The following NR1I2 variants were observed in gnomAD, a reference collection of about 807,000 sequenced individuals.
NR1I2 encodes orphan nuclear receptor PAR1.
NR1I2 carries 42 observed loss-of-function variants against 43.3 expected under a neutral mutation model. That is an observed-to-expected ratio of 0.97 (90% CI 0.76 to 1.26). NR1I2 has a LOEUF of 1.26. Among genes scored for constraint, NR1I2 ranks in the 50% most tolerant of loss-of-function variants. The pLI is 0.00. For synonymous variants in NR1I2, 229 were observed against 215.0 expected (o/e 1.06, Z -0.57); for missense variants, 559 against 566.7 (o/e 0.99, Z 0.14).
intron 3 of NR1I2, 37 bp downstream of exon 3, chr3:119,810,231 T>C: frequency 6.4e-7 from 1 of 1,560,512 alleles, no homozygotes; most frequent in Non-Finnish European, 8.7e-7. Context: ...GGCGCCGGGG[T>C]GCACGGCTCT....
intron 4 of NR1I2, among the ~76,000 whole-genome samples, chr3:119,812,456 T>C (rs1577285191): frequency 1.3e-5 from 2 of 152,222 alleles, no homozygotes. Flanking sequence ...CATTAATTCA[T>C]AGATCCCCAA....
chr3:119,791,925 A>G (rs2054924316), intron 1 of NR1I2: 3 of 656,176 alleles, frequency 4.6e-6, no homozygotes, highest in East Asian at 3.2e-5. Flanking sequence ...TGGGCACAGA[A>G]CTGTCATCTT....
At chr3:119,793,600 C>T (rs939012839) in intron 1 of NR1I2, among the ~76,000 whole-genome samples, 1 of 152,212 alleles carries the variant, frequency 6.6e-6, no homozygotes, top group Non-Finnish European at 1.5e-5. Context: ...CCTTTTTCCA[C>T]ATTACGTCTC....
At chr3:119,800,839 G>A (rs1462248783) in intron 1 of NR1I2, among the ~76,000 whole-genome samples, 1 of 152,230 alleles carries the variant, frequency 6.6e-6, no homozygotes, top group Non-Finnish European at 1.5e-5. Context: ...TGGCATGGAG[G>A]GACCCTGTCT....
At chr3:119,805,741 A>G (rs1252688024) in intron 1 of NR1I2, among the ~76,000 whole-genome samples, 2 of 145,808 alleles carry the variant, frequency 1.4e-5, no homozygotes, top group East Asian at 2.2e-4. Context: ...AAGAAAAGAA[A>G]AAAAAGGAGG....
rs903414714 is a variant in NR1I2 at position 119,818,365 on chromosome 3, C to T, written c.*1153C>T. ...CCACTTGTGAGTAAAAATTTTTTTG[C>T]ATTTTCACAAATTATACTTTATATA... On this transcript the variant is annotated 3_prime_UTR_variant, in exon 9 of 9. Transcript: ENST00000393716. The T allele has an allele frequency of 2.0e-6, 2 of 985,176 alleles. No individual in the cohort carries two copies. The highest frequency in any genetic ancestry group is 3.5e-5 in the African/African-American group (2 of 57,212). 61.0% of individuals were successfully genotyped at this position (985,176 alleles called of 1,614,324 possible).
intron 1 of NR1I2, chr3:119,803,003 G>A: frequency 2.2e-6 from 1 of 456,188 alleles, no homozygotes; most frequent in South Asian, 1.6e-5. Flanking sequence ...GGTCATGAGG[G>A]TAGAACCCTC....
At chr3:119,793,257 C>CA (rs1167468203) in intron 1 of NR1I2, among the ~76,000 whole-genome samples, 4 of 152,270 alleles carry the variant, frequency 2.6e-5, no homozygotes, top group African/African-American at 9.6e-5. Context: ...TGGACTAACA[C>CA]AATCAGATCT....
At chr3:119,809,274 C>G (rs895575156) in intron 2 of NR1I2, among the ~76,000 whole-genome samples, 1 of 152,074 alleles carries the variant, frequency 6.6e-6, no homozygotes, top group Non-Finnish European at 1.5e-5. Context: ...GACTTCCGGG[C>G]TGGGAGGAGG....
intron 1 of NR1I2, chr3:119,792,379 A>C: frequency 1.5e-6 from 2 of 1,354,852 alleles, no homozygotes; most frequent in East Asian, 4.6e-5. Context: ...GAAGCCAAAC[A>C]GGTGGCTCAG....
chr3:119,800,051 C>T (rs4440154), intron 1 of NR1I2, among the ~76,000 whole-genome samples: 94,576 of 152,008 alleles, frequency 0.62, 29,578 homozygotes, highest in Middle Eastern at 0.71. Flanking sequence ...TTTGGTGTCA[C>T]ATCTAAGAAA....
At chr3:119,815,575 C>A in intron 7 of NR1I2, 136 bp downstream of exon 7, 4 of 1,005,226 alleles carry the variant, frequency 4.0e-6, no homozygotes, top group Non-Finnish European at 6.2e-6. Flanking sequence ...CTCCTGGGGT[C>A]AGTGGGTGAT....
chr3:119,817,966 AAACG>A lies in NR1I2; in HGVS notation c.*756_*759del, dbSNP rs1404655749. The A allele has an allele frequency of 5.3e-5, 52 of 985,276 alleles. No individual in the cohort carries two copies. Among genetic ancestry groups the A allele is most frequent in the Non-Finnish European group, 5.9e-5 (49 of 829,898 alleles). 61.0% of individuals were successfully genotyped at this position (985,276 alleles called of 1,614,324 possible). A position where few individuals can be genotyped will look rare whatever the true frequency, so the allele number is the denominator to read the frequency against. On this transcript the variant is annotated 3_prime_UTR_variant, in exon 9 of 9. Transcript: ENST00000393716. The stretch of plus-strand genomic sequence containing the variant: ...TAGTTAAAAAAACAAACAGAAACAC[AAACG>A]ATTTGGATCAAAAGGAGAAATGATA...
intron 3 of NR1I2, among the ~76,000 whole-genome samples, chr3:119,810,867 C>T (rs911482179): frequency 2.6e-5 from 4 of 152,172 alleles, no homozygotes; most frequent in Admixed American, 2.0e-4. Context: ...CCAAGGACCT[C>T]ATAGCTTTGT....
At position 119,807,458 on chromosome 3, in the gene NR1I2, C is replaced by G; in HGVS notation, c.197+11C>G. The stretch of plus-strand genomic sequence containing the variant: ...CAAGGGCTTTTTCAGGTAGAGTTAC[C>G]CATCAGCCTTCACCCACGTGCCACC... On this transcript the variant is annotated intron_variant, in intron 2 of 8. Transcript: ENST00000393716. 1 of 1,611,074 alleles carries G rather than the reference C, an allele frequency of 6.2e-7. No homozygotes were observed. The highest frequency in any genetic ancestry group is 8.5e-7 in the Non-Finnish European group (1 of 1,178,590).
chr3:119,782,649 C>T, intron 1 of NR1I2: 1 of 801,258 alleles, frequency 1.2e-6, no homozygotes, highest in Non-Finnish European at 2.2e-6. Context: ...AATACCACCT[C>T]CAAGGACTGT....
Position 119,817,463 on chromosome 3 carries a change from T to C in NR1I2, c.*251T>C. ...CGTGGAGAGTGCACTGACCTGTAGG[T>C]CAGGACCATCAGAGAGGCAAGGTTG... On this transcript the variant is annotated 3_prime_UTR_variant, in exon 9 of 9. Coordinates refer to ENST00000393716, the MANE Select transcript of NR1I2 (RefSeq NM_003889.4). The C allele has an allele frequency of 7.4e-7, 1 of 1,355,608 alleles. No individual in the cohort carries two copies. Among genetic ancestry groups the C allele is most frequent in the East Asian group, 3.1e-5 (1 of 32,408 alleles). 84.0% of individuals were successfully genotyped at this position (1,355,608 alleles called of 1,614,324 possible). A position where few individuals can be genotyped will look rare whatever the true frequency, so the allele number is the denominator to read the frequency against.
At chr3:119,795,378 G>A (rs994445857) in intron 1 of NR1I2, among the ~76,000 whole-genome samples, 1 of 152,190 alleles carries the variant, frequency 6.6e-6, no homozygotes, top group Admixed American at 6.5e-5. Flanking sequence ...TCAGTCTCCT[G>A]CTCTGCTCAG....
intron 1 of NR1I2, among the ~76,000 whole-genome samples, chr3:119,787,093 G>C (rs565645923): frequency 1.2e-4 from 18 of 152,088 alleles, no homozygotes; most frequent in African/African-American, 4.3e-4. Context: ...TTTAAGACCA[G>C]CCTGGCCAAA....
Sources: gnomAD v4.1 joint callset for allele counts (sites outside exome capture counted in the v4.1 genomes callset) on GRCh38, gnomAD v4.1.1 for gene constraint, MANE v1.5 for transcripts, NCBI Gene and HGNC (gene_info 2026-07-23, HGNC 2026-07-21) for gene names.